Variants in ENAH observed in about 807,000 individuals in gnomAD.
ENAH encodes the protein protein enabled homolog.
Under a neutral mutation model 78.7 loss-of-function variants are expected in ENAH, and 23 were observed. The observed-to-expected ratio is 0.29, with a 90% CI of 0.21 to 0.41. The LOEUF (loss-of-function observed/expected upper bound fraction) is 0.41. ENAH is among the 10% of genes least tolerant of loss of function. The probability of loss-of-function intolerance (pLI) is 1.00; values close to 1 mark genes in which losing one functional copy is unlikely to be tolerated. For synonymous variants in ENAH, 226 were observed against 241.0 expected (o/e 0.94, Z 0.58); for missense variants, 544 against 691.0 (o/e 0.79, Z 2.39).
At chr1:225,649,507 A>G (rs1662579501) in intron 1 of ENAH, among the ~76,000 whole-genome samples, 1 of 152,204 alleles carries the variant, frequency 6.6e-6, no homozygotes, top group African/African-American at 2.4e-5. Context: ...ATACACGCAC[A>G]CTTTAATCAC....
At chr1:225,548,397 C>G (rs1034878854) in intron 3 of ENAH, among the ~76,000 whole-genome samples, 2 of 152,150 alleles carry the variant, frequency 1.3e-5, no homozygotes, top group Non-Finnish European at 2.9e-5. Context: ...ACTCTAAACT[C>G]AAGTTCTTTC....
chr1:225,580,293 C>T (rs1228190636), intron 1 of ENAH: 4 of 151,922 alleles, frequency 2.6e-5, no homozygotes, highest in South Asian at 2.1e-4. Context: ...GAGGCCCACA[C>T]GAGACAATTA....
chr1:225,554,820 T>C (rs2096658685), intron 3 of ENAH, 86 bp downstream of exon 3: 2 of 1,180,734 alleles, frequency 1.7e-6, no homozygotes, highest in African/African-American at 3.0e-5. Context: ...CACATGGCAC[T>C]TCAGTTCAAG....
intron 4 of ENAH, among the ~76,000 whole-genome samples, chr1:225,524,871 A>G (rs2096493256): frequency 1.3e-5 from 2 of 152,274 alleles, no homozygotes; most frequent in South Asian, 4.1e-4. Context: ...TTATATGAGT[A>G]GGAACCAAAA....
intron 1 of ENAH, among the ~76,000 whole-genome samples, chr1:225,628,151 T>C (rs1205436860): frequency 1.3e-5 from 2 of 152,170 alleles, no homozygotes; most frequent in Non-Finnish European, 2.9e-5. Context: ...TGTAAATCAA[T>C]TCTTCTTAGA....
chr1:225,652,715 C>T lies in ENAH; in HGVS notation c.-25G>A. The T allele has an allele frequency of 1.5e-6, 2 of 1,318,298 alleles. No individual in the cohort carries two copies. Among genetic ancestry groups the T allele is most frequent in the Non-Finnish European group, 1.9e-6 (2 of 1,035,718 alleles). 81.7% of individuals were successfully genotyped at this position (1,318,298 alleles called of 1,614,324 possible). A position where few individuals can be genotyped will look rare whatever the true frequency, so the allele number is the denominator to read the frequency against. ...TGGTGCCGGCGGCGCAGAGGCTTCC[C>T]CACCAGCCGGGAGACGCAGAAGGCG... On this transcript the variant is annotated 5_prime_UTR_variant, in exon 1 of 14. Coordinates refer to ENST00000366843, the MANE Select transcript of ENAH (RefSeq NM_018212.6).
chr1:225,549,459 C>G (rs1319396484), intron 3 of ENAH, among the ~76,000 whole-genome samples: 1 of 152,100 alleles, frequency 6.6e-6, no homozygotes. Flanking sequence ...CTCTCCTTCC[C>G]GGCCTGCCCA....
intron 5 of ENAH, chr1:225,517,968 C>T: frequency 6.5e-7 from 1 of 1,544,064 alleles, no homozygotes; most frequent in Non-Finnish European, 8.7e-7. Flanking sequence ...GAGCGTTATA[C>T]AGGGAGCTGT....
Position 225,524,598 on chromosome 1 carries a change from C to A in ENAH, c.435-5033G>T. 3.0e-6 allele frequency: 3 copies of A among 985,386 alleles called. No homozygotes were observed. The South Asian group carries it at 1.4e-4, about 46-fold the overall frequency. The allele number at this position is 985,386 out of a possible 1,614,324, so 61.0% of individuals were successfully genotyped here. On this transcript the variant is annotated intron_variant, in intron 4 of 13. Transcript: ENST00000366843. ...CCGCTGAGGCAAGAGTTGATACTCA[C>A]AAGAGAAGGCGGTCAACTTTTGGTC... is the stretch of plus-strand genomic sequence containing the variant.
intron 1 of ENAH, among the ~76,000 whole-genome samples, chr1:225,588,801 CAAAA>C (rs55962047): frequency 5.1e-5 from 4 of 78,424 alleles, no homozygotes; most frequent in African/African-American, 1.1e-4. Context: ...AAGTCTGTGT[CAAAA>C]AAAAAAAAAA....
chr1:225,540,154 G>T (rs929621965), intron 3 of ENAH, among the ~76,000 whole-genome samples: 1 of 152,156 alleles, frequency 6.6e-6, no homozygotes, highest in African/African-American at 2.4e-5. Flanking sequence ...AAGAAAGAGG[G>T]TTTGTTTTCG....
At chr1:225,502,309 T>A (rs1387827369) in intron 11 of ENAH, among the ~76,000 whole-genome samples, 1 of 152,126 alleles carries the variant, frequency 6.6e-6, no homozygotes, top group Non-Finnish European at 1.5e-5. Flanking sequence ...CCTCCCCGGT[T>A]CAAGTGATTT....
chr1:225,508,060 TC>T, intron 10 of ENAH, 43 bp from the exon 11 acceptor site: 2 of 1,258,750 alleles, frequency 1.6e-6, no homozygotes, highest in Non-Finnish European at 1.1e-6. Context: ...AATAAATGCT[TC>T]CAGAGTTATT....
At chr1:225,538,343 T>C (rs1324830582) in intron 3 of ENAH, among the ~76,000 whole-genome samples, 1 of 152,124 alleles carries the variant, frequency 6.6e-6, no homozygotes, top group Non-Finnish European at 1.5e-5. Flanking sequence ...AGTTACCACA[T>C]TGCAGGGCAC....
At chr1:225,591,802 G>T (rs1575639428) in intron 1 of ENAH, among the ~76,000 whole-genome samples, 2 of 141,102 alleles carry the variant, frequency 1.4e-5, no homozygotes, top group East Asian at 2.1e-4. Flanking sequence ...GGCTTCAAAA[G>T]TCTTTCTGAA....
At chr1:225,581,962 A>G (rs2096820658) in intron 1 of ENAH, among the ~76,000 whole-genome samples, 1 of 151,816 alleles carries the variant, frequency 6.6e-6, no homozygotes, top group Middle Eastern at 3.2e-3. Flanking sequence ...GATAAAATTT[A>G]TAGAACAACT....
chr1:225,618,497 A>G (rs1332162340), intron 1 of ENAH, among the ~76,000 whole-genome samples: 1 of 152,122 alleles, frequency 6.6e-6, no homozygotes, highest in African/African-American at 2.4e-5. Flanking sequence ...AAAAAAGGGG[A>G]AGATAATCAC....
chr1:225,589,917 T>C (rs1184772317), intron 1 of ENAH, among the ~76,000 whole-genome samples: 4 of 152,196 alleles, frequency 2.6e-5, no homozygotes, highest in African/African-American at 9.7e-5. Flanking sequence ...GAACTAATTA[T>C]GCACAGACTT....
At chr1:225,511,000 A>G (rs2096372812) in intron 10 of ENAH, among the ~76,000 whole-genome samples, 1 of 152,126 alleles carries the variant, frequency 6.6e-6, no homozygotes, top group African/African-American at 2.4e-5. Flanking sequence ...CAGCCTGGGC[A>G]ACAGAGCAAG....
Sources: gnomAD v4.1 joint callset for allele counts (sites outside exome capture counted in the v4.1 genomes callset) on GRCh38, gnomAD v4.1.1 for gene constraint, MANE v1.5 for transcripts, NCBI Gene and HGNC (gene_info 2026-07-23, HGNC 2026-07-21) for gene names.